ZNF804B: variants seen among roughly 807,000 people sequenced by gnomAD.
ZNF804B encodes zinc finger 804B.
A neutral mutation model predicts 101.4 loss-of-function variants in ZNF804B; 80 were observed. The observed-to-expected ratio is 0.79, with a 90% CI of 0.66 to 0.95. The LOEUF (loss-of-function observed/expected upper bound fraction) is 0.95. ZNF804B is among the 40% of genes least tolerant of loss of function. The probability of loss-of-function intolerance (pLI) is 0.00; values close to 1 mark genes in which losing one functional copy is unlikely to be tolerated. For synonymous variants in ZNF804B, 622 were observed against 558.8 expected, an observed-to-expected ratio of 1.11 and a Z score of -1.59; for missense variants, 1,673 against 1,561.9, an observed-to-expected ratio of 1.07 and a Z score of -1.20.
intron 1 of ZNF804B, among the ~76,000 whole-genome samples, chr7:88,932,034 G>A (rs1792894585): frequency 6.6e-6 from 1 of 151,360 alleles, no homozygotes; most frequent in East Asian, 1.9e-4. Context: ...CAAGAGAAAA[G>A]CATATAAATG....
rs142696289 is a variant in ZNF804B, at chr7:89,176,587, C to CTTTTTTTTTTTTTT, written c.109-41565_109-41564insTTTTTTTTTTTTTT. 9.1e-4 allele frequency among the ~76,000 whole-genome samples: 49 copies of CTTTTTTTTTTTTTT among 53,962 alleles called. 3 individuals carry two copies. Among genetic ancestry groups the CTTTTTTTTTTTTTT allele is most frequent in the African/African-American group, 1.5e-3 (19 of 12,978 alleles). The allele number at this position is 53,962 out of a possible 152,430, so 35.4% of individuals were successfully genotyped here. ...TTTTCTTTTTTTTCTTTCTTTCTTT[C>CTTTTTTTTTTTTTT]TTTCTTTTTTTTTTTTTTTTTCATG... On this transcript the variant is annotated intron_variant, in intron 1 of 3. Transcript: ENST00000333190.
rs148594912 is a variant in ZNF804B, at chr7:88,888,440, TATC to T, written c.108+128361_108+128363del. ...ATGATCATCTATTAATACAATTAGT[TATC>T]ATCACCAATGATTTACGTATTTATG... is the stretch of plus-strand genomic sequence containing the variant. On this transcript the variant is annotated intron_variant, in intron 1 of 3. Coordinates refer to ENST00000333190, the MANE Select transcript of ZNF804B (RefSeq NM_181646.5). Among the ~76,000 whole-genome samples the T allele has an allele frequency of 4.9e-3, 749 of 152,230 alleles. 10 individuals carry two copies. Among genetic ancestry groups the T allele is most frequent in the African/African-American group, 0.017 (718 of 41,536 alleles).
chr7:89,161,058 C>G (rs1010119313), intron 1 of ZNF804B, among the ~76,000 whole-genome samples: 7 of 152,038 alleles, frequency 4.6e-5, no homozygotes, highest in African/African-American at 1.7e-4. Context: ...ACCACCTTTC[C>G]TGGAGAGATT....
chr7:88,874,769 G>A (rs1403728369), intron 1 of ZNF804B, among the ~76,000 whole-genome samples: 3 of 151,824 alleles, frequency 2.0e-5, no homozygotes, highest in East Asian at 1.9e-4. Flanking sequence ...AAGTCAACAA[G>A]GATACCCAGG....
intron 1 of ZNF804B, among the ~76,000 whole-genome samples, chr7:89,057,104 C>G (rs931686697): frequency 6.6e-6 from 1 of 151,972 alleles, no homozygotes; most frequent in Non-Finnish European, 1.5e-5. Flanking sequence ...ACATCTTAAG[C>G]GATAGATTCT....
chr7:89,035,020 C>T (rs1376139595), intron 1 of ZNF804B, among the ~76,000 whole-genome samples: 2 of 152,156 alleles, frequency 1.3e-5, no homozygotes, highest in East Asian at 3.9e-4. Flanking sequence ...ATTGCACATT[C>T]ACATATCACC....
At chr7:89,280,397 A>C (rs1374151724) in intron 2 of ZNF804B, among the ~76,000 whole-genome samples, 1 of 152,080 alleles carries the variant, frequency 6.6e-6, no homozygotes, top group African/African-American at 2.4e-5. Flanking sequence ...TAGGCAAGAA[A>C]TAACTAAAAT....
intron 1 of ZNF804B, among the ~76,000 whole-genome samples, chr7:89,215,703 G>A (rs1584059948): frequency 6.6e-6 from 1 of 151,518 alleles, no homozygotes; most frequent in Admixed American, 6.6e-5. Flanking sequence ...CTAACACGGT[G>A]AAATCCCGCC....
Position 89,075,825 on chromosome 7 carries a change from C to T in ZNF804B, c.109-142330C>T, listed in dbSNP as rs529233422. The stretch of plus-strand genomic sequence containing the variant: ...GGCTGTACCCTTAACAGCCATGGGG[C>T]AAAGGTGCCCGAGACCATGGGAACC... On this transcript the variant is annotated intron_variant, in intron 1 of 3. Transcript: ENST00000333190. 3.3e-3 allele frequency among the ~76,000 whole-genome samples: 498 copies of T among 152,294 alleles called. 1 individual carries two copies. Among genetic ancestry groups the T allele is most frequent in the Non-Finnish European group, 5.2e-3 (357 of 68,018 alleles).
chr7:88,873,700 C>T (rs371045490), intron 1 of ZNF804B, among the ~76,000 whole-genome samples: 5 of 152,072 alleles, frequency 3.3e-5, no homozygotes, highest in East Asian at 1.9e-4. Context: ...CGAGCCAGTT[C>T]TCCCAGCACC....
intron 1 of ZNF804B, among the ~76,000 whole-genome samples, chr7:88,980,010 A>G (rs1053230774): frequency 5.3e-5 from 8 of 150,136 alleles, no homozygotes; most frequent in African/African-American, 2.0e-4. Context: ...AGAAACTCCT[A>G]TGCATTCTTT....
At chr7:89,293,093 T>C (rs1415563352) in intron 2 of ZNF804B, among the ~76,000 whole-genome samples, 1 of 151,846 alleles carries the variant, frequency 6.6e-6, no homozygotes, top group African/African-American at 2.4e-5. Context: ...GGTCATTTTT[T>C]ATCTTCTGAA....
intron 1 of ZNF804B, among the ~76,000 whole-genome samples, chr7:88,969,038 C>T (rs1271858547): frequency 6.6e-6 from 1 of 151,500 alleles, no homozygotes; most frequent in Non-Finnish European, 1.5e-5. Context: ...TTTATTAAAG[C>T]AGCTAATGTT....
chr7:88,895,577 T>C (rs1792272631), intron 1 of ZNF804B, among the ~76,000 whole-genome samples: 1 of 152,186 alleles, frequency 6.6e-6, no homozygotes, highest in Non-Finnish European at 1.5e-5. Flanking sequence ...TGGTTTCTAA[T>C]ACCATCCTCC....
At chr7:89,009,143 T>C (rs1177124212) in intron 1 of ZNF804B, among the ~76,000 whole-genome samples, 2 of 152,178 alleles carry the variant, frequency 1.3e-5, no homozygotes, top group Non-Finnish European at 2.9e-5. Flanking sequence ...GTCTCAGAAT[T>C]CTTCTGCAAT....
At chr7:89,216,262 C>G (rs1299226460) in intron 1 of ZNF804B, among the ~76,000 whole-genome samples, 1 of 152,174 alleles carries the variant, frequency 6.6e-6, no homozygotes, top group African/African-American at 2.4e-5. Flanking sequence ...GAGCCGAGAT[C>G]GCGCCATTGC....
chr7:89,086,466 A>G (rs1789802757), intron 1 of ZNF804B, among the ~76,000 whole-genome samples: 1 of 151,982 alleles, frequency 6.6e-6, no homozygotes, highest in Non-Finnish European at 1.5e-5. Flanking sequence ...GGTGTACTGT[A>G]ATTACTGAAT....
chr7:88,923,546 A>G (rs1450004021), intron 1 of ZNF804B, among the ~76,000 whole-genome samples: 1 of 152,116 alleles, frequency 6.6e-6, no homozygotes, highest in Non-Finnish European at 1.5e-5. Flanking sequence ...TGTTCACCCT[A>G]GTTATATGAT....
At chr7:89,329,283 T>G (rs897831425) in intron 3 of ZNF804B, among the ~76,000 whole-genome samples, 8 of 151,798 alleles carry the variant, frequency 5.3e-5, no homozygotes, top group Non-Finnish European at 1.0e-4. Flanking sequence ...TATCGTCTAC[T>G]GCCCATCACC....
Sources: allele counts gnomAD v4.1 joint callset (sites outside exome capture counted in the v4.1 genomes callset), GRCh38; gene constraint gnomAD v4.1.1; transcripts MANE v1.5; gene names NCBI Gene and HGNC (gene_info 2026-07-23, HGNC 2026-07-21).